ZAP70: variants seen among roughly 807,000 people sequenced by gnomAD.
The protein encoded by ZAP70 is tyrosine-protein kinase ZAP-70.
A neutral mutation model predicts 65.8 loss-of-function variants in ZAP70; 27 were observed. That is an observed-to-expected ratio of 0.41 (90% CI 0.30 to 0.57). The LOEUF is 0.57. ZAP70 is among the 20% of genes least tolerant of loss of function. The pLI is 0.28. For missense variants in ZAP70, 696 were observed against 870.5 expected (o/e 0.80, Z 2.52); for synonymous variants, 363 against 360.8 (o/e 1.01, Z -0.07).
Position 97,734,638 on chromosome 2 carries a change from C to G in ZAP70, c.1008C>G (p.Asn336Lys). ...KDKKLFLKRD[N>K]LLIADIELGC... The stretch of plus-strand genomic sequence containing the variant: ...AGAAGCTCTTCCTGAAGCGCGATAA[C>G]CTCCTCATAGCTGACATTGAACTTG... The change falls in exon 9 of 14, where the codon AAC (asparagine) becomes AAG (lysine). Residue 336 changes from asparagine (N) to lysine (K), a missense_variant. By Grantham distance (94) the Asn-to-Lys change is moderately conservative. Around this residue, in one of 3 missense-constraint regions of ZAP70, gnomAD observed 551 missense variants for 630.0 expected, o/e 0.87. Coordinates refer to ENST00000264972, the MANE Select transcript of ZAP70 (RefSeq NM_001079.4). The G allele has an allele frequency of 6.2e-7, 1 of 1,614,236 alleles. No homozygotes were observed. The highest frequency in any genetic ancestry group is 2.2e-5 in the East Asian group (1 of 44,894).
At chr2:97,714,487 C>T (rs1424202051) in intron 2 of ZAP70, among the ~76,000 whole-genome samples, 2 of 152,204 alleles carry the variant, frequency 1.3e-5, no homozygotes, top group Non-Finnish European at 2.9e-5. Context: ...CCGAGTTCTC[C>T]TCAACTGCTG....
chr2:97,724,902 G>A, intron 3 of ZAP70, 190 bp from the exon 4 acceptor site: 1 of 1,533,552 alleles, frequency 6.5e-7, no homozygotes, highest in Non-Finnish European at 8.7e-7. Flanking sequence ...AGGTGGGGGT[G>A]GTTCCTCCCT....
chr2:97,734,250 A>G, intron 8 of ZAP70: 1 of 892,356 alleles, frequency 1.1e-6, no homozygotes, highest in Non-Finnish European at 1.6e-6. Flanking sequence ...TGCACACCCC[A>G]GCTGGCACAG....
At chr2:97,755,587 T>G in the ZAP70 span, among the ~76,000 whole-genome samples, 1 of 152,032 alleles carries the variant, frequency 6.6e-6, no homozygotes, top group South Asian at 2.1e-4. Flanking sequence ...GCCCAAGGCA[T>G]CCCCCCTTGT....
the ZAP70 span, among the ~76,000 whole-genome samples, chr2:97,751,851 C>T: frequency 6.6e-6 from 1 of 152,160 alleles, no homozygotes; most frequent in Non-Finnish European, 1.5e-5. Context: ...TTTTCAACAA[C>T]TAGTTCTTGT....
intron 2 of ZAP70, among the ~76,000 whole-genome samples, chr2:97,716,207 C>A (rs1022170590): frequency 1.3e-5 from 2 of 152,148 alleles, no homozygotes; most frequent in African/African-American, 4.8e-5. Context: ...CCTCCTCTCC[C>A]GCCATCCTCC....
chr2:97,725,173 C>T lies in ZAP70; in HGVS notation c.484C>T (p.Pro162Ser). The change falls in exon 4 of 14, where the codon CCC becomes TCC. Residue 162 changes from proline to serine, a missense_variant. By Grantham distance (74) the Pro-to-Ser change is moderately conservative (BLOSUM62 -1). Around this residue, in one of 3 missense-constraint regions of ZAP70, gnomAD observed 551 missense variants for 630.0 expected, o/e 0.87. Transcript: ENST00000264972. ...LIATTAHERM[P>S]WYHSSLTREE... is the part of the protein sequence containing the mutation. ...TGCTACGACGGCCCACGAGCGGATG[C>T]CCTGGTACCACAGCAGCCTGACGCG... The T allele has an allele frequency of 6.2e-7, 1 of 1,614,192 alleles. No homozygotes were observed. The highest frequency in any genetic ancestry group is 8.5e-7 in the Non-Finnish European group (1 of 1,180,030).
Position 97,737,371 on chromosome 2 carries a change from TG to T in ZAP70, c.1290-100del. 1 of 1,286,554 alleles carries T rather than the reference TG, an allele frequency of 7.8e-7. No individual in the cohort carries two copies. Among genetic ancestry groups the T allele is most frequent in the Non-Finnish European group, 1.1e-6 (1 of 895,186 alleles). The allele number at this position is 1,286,554 out of a possible 1,614,324, so 79.7% of individuals were successfully genotyped here. On this transcript the variant is annotated intron_variant, in intron 10 of 13. Transcript: ENST00000264972. This position sits in a 1 kb window ranked among gnomAD's most constrained non-coding sequence, Gnocchi z 5.0. ...TGCTCAATAAGCGTTTTTGAACACA[TG>T]GTCACCTGGCTCATGCCCAGCTGGG...
At position 97,733,313 on chromosome 2, in the gene ZAP70, A is replaced by G. The variant is rs772340901; in HGVS notation, c.807A>G (p.Thr269=). The G allele has an allele frequency of 6.9e-6, 11 of 1,598,244 alleles. No homozygotes were observed. The South Asian group carries it at 1.0e-4, about 15-fold the overall frequency. The change falls in exon 7 of 14, where the codon ACA becomes ACG. Residue 269 remains threonine (T), a synonymous_variant. Coordinates refer to ENST00000264972, the MANE Select transcript of ZAP70 (RefSeq NM_001079.4). The part of the protein sequence containing the change: ...ASNASGAAAP[T]LPAHPSTLTH... ...CTCCCCCAGGGGCTGCTGCTCCCACACTCCCAGCCCACCCATCCACGTTGA... is the reference window on the plus strand; with the variant it reads ...CTCCCCCAGGGGCTGCTGCTCCCACGCTCCCAGCCCACCCATCCACGTTGA...
rs757031030 is a variant in ZAP70 at position 97,739,530 on chromosome 2, G to A, written c.*32G>A. The A allele has an allele frequency of 1.3e-5, 21 of 1,603,804 alleles. No individual in the cohort carries two copies. The highest frequency in any genetic ancestry group is 1.0e-4 in the South Asian group (9 of 89,870). On this transcript the variant is annotated 3_prime_UTR_variant, in exon 14 of 14. Coordinates refer to ENST00000264972, the MANE Select transcript of ZAP70 (RefSeq NM_001079.4). ...GCTGCCCAGGGGAGCCCTCCACGCC[G>A]GCTCTTCCCCACCCTCAGCCCCACC... is the stretch of plus-strand genomic sequence containing the variant.
chr2:97,753,209 A>G, the ZAP70 span, among the ~76,000 whole-genome samples: 1 of 152,214 alleles, frequency 6.6e-6, no homozygotes. Context: ...GTAAAATGTT[A>G]TAAAAAACTC....
At chr2:97,717,029 G>C (rs531280438) in intron 2 of ZAP70, among the ~76,000 whole-genome samples, 180 of 152,366 alleles carry the variant, frequency 1.2e-3, no homozygotes, top group South Asian at 2.1e-3. Context: ...TGAAGGAGGA[G>C]CCTGCAGCCA....
intron 4 of ZAP70, among the ~76,000 whole-genome samples, chr2:97,730,007 G>T (rs1309001043): frequency 6.6e-6 from 1 of 152,072 alleles, no homozygotes; most frequent in Non-Finnish European, 1.5e-5. Flanking sequence ...CAGGCGGATC[G>T]TCTAATGTCG....
In ZAP70 at chr2:97,720,176, C is replaced by T. The variant is rs1012173654; in HGVS notation, c.-21-3840C>T. ...TAGGTTTTTGTGTGAATGTAAATTT[C>T]CATTTCTTTAGAGTGAATACCTAGG... On this transcript the variant is annotated intron_variant, in intron 2 of 13. Transcript: ENST00000264972. Among the ~76,000 whole-genome samples the T allele has an allele frequency of 3.3e-5, 5 of 152,004 alleles. 1 individual carries two copies. Among genetic ancestry groups the T allele is most frequent in the Admixed American group, 3.3e-4 (5 of 15,252 alleles).
chr2:97,749,719 C>T, the ZAP70 span, among the ~76,000 whole-genome samples: 1 of 152,214 alleles, frequency 6.6e-6, no homozygotes, highest in Non-Finnish European at 1.5e-5. Flanking sequence ...GAGGAATGGT[C>T]CAAATCCAGT....
At chr2:97,722,404 T>C (rs1361891239) in intron 2 of ZAP70, among the ~76,000 whole-genome samples, 1 of 152,270 alleles carries the variant, frequency 6.6e-6, no homozygotes, top group African/African-American at 2.4e-5. Flanking sequence ...ATGTTTGTGC[T>C]TTTTGTTGGT....
chr2:97,724,405 G>A lies in ZAP70; in HGVS notation c.369G>A (p.Val123=), dbSNP rs201551373. 6.5e-7 allele frequency: 1 copy of A among 1,539,158 alleles called. No individual in the cohort carries two copies. Among genetic ancestry groups the A allele is most frequent in the Non-Finnish European group, 8.7e-7 (1 of 1,143,690 alleles). ...GVFDCLRDAM[V]RDYVRQTWKL... ...TCGACTGCCTGCGAGACGCCATGGT[G>A]CGTGACTACGTGCGCCAGACGTGGA... is the stretch of plus-strand genomic sequence containing the variant. The change falls in exon 3 of 14, where the codon GTG becomes GTA. Residue 123 remains valine, a synonymous_variant. Transcript: ENST00000264972.
chr2:97,736,381 G>A lies in ZAP70; in HGVS notation c.1289+925G>A, dbSNP rs75332151. Among the ~76,000 whole-genome samples, 2,805 of 152,204 alleles carry A rather than the reference G, an allele frequency of 0.018. 97 individuals carry two copies. Among genetic ancestry groups the A allele is most frequent in the African/African-American group, 0.065 (2,680 of 41,502 alleles). On this transcript the variant is annotated intron_variant, in intron 10 of 13. Coordinates refer to ENST00000264972, the MANE Select transcript of ZAP70 (RefSeq NM_001079.4). The surrounding 1 kb of genome is among the most constrained non-coding windows in gnomAD (Gnocchi z 4.0). ...TTTGCTGATCTGTGCCCTCTGGCTG[G>A]TGCACACACCTTCCCAGTGTGCCCC...
chr2:97,750,222 A>C, the ZAP70 span, among the ~76,000 whole-genome samples: 53 of 152,330 alleles, frequency 3.5e-4, no homozygotes, highest in African/African-American at 9.9e-4. Flanking sequence ...CCTTCCCCGC[A>C]GTGCAGCAGC....
Sources: gnomAD v4.1 joint callset for allele counts (sites outside exome capture counted in the v4.1 genomes callset) on GRCh38, gnomAD v4.1.1 for gene constraint, gnomAD v4.1.1 regional missense constraint, Gnocchi (gnomAD v3.1) non-coding constraint, MANE v1.5 for transcripts, NCBI Gene and HGNC (gene_info 2026-07-23, HGNC 2026-07-21) for gene names.